The following RUBCN variants were observed in gnomAD, a reference collection of about 807,000 sequenced individuals.
RUBCN encodes run domain Beclin-1-interacting and cysteine-rich domain-containing protein.
A neutral mutation model predicts 113.2 loss-of-function variants in RUBCN; 74 were observed. The ratio of observed to expected loss-of-function variants is 0.65; its 90% CI spans 0.54 to 0.79. The LOEUF (loss-of-function observed/expected upper bound fraction) is 0.79. RUBCN is among the 30% of genes least tolerant of loss of function. RUBCN has a pLI of 0.00. For missense variants in RUBCN, 1,109 were observed against 1,251.7 expected (o/e 0.89, Z 1.72); for synonymous variants, 480 against 490.0 (o/e 0.98, Z 0.27).
Position 197,674,870 on chromosome 3 carries a change from G to C in RUBCN, c.*148C>G, listed in dbSNP as rs1054521030. 28 of 641,536 alleles carry C rather than the reference G, an allele frequency of 4.4e-5. No individual in the cohort carries two copies. Among genetic ancestry groups the C allele is most frequent in the Non-Finnish European group, 6.4e-5 (27 of 420,344 alleles). 39.7% of individuals were successfully genotyped at this position (641,536 alleles called of 1,614,324 possible). ...GACGGCTGACTGCACACAGACGTCA[G>C]ACAAGTCAGTAAAAAAAAAAAAAAA... is the stretch of plus-strand genomic sequence containing the variant. On this transcript the variant is annotated 3_prime_UTR_variant, in exon 20 of 20. Transcript: ENST00000296343.
upstream of RUBCN, among the ~76,000 whole-genome samples, chr3:197,740,667 C>G (rs1728490461): frequency 6.6e-6 from 1 of 151,542 alleles, no homozygotes; most frequent in Non-Finnish European, 1.5e-5. Flanking sequence ...GTTGCCCAGG[C>G]TGGAGTGCAG....
chr3:197,749,157 A>G (rs1303084760), intron 1 of RUBCN: 6 of 481,286 alleles, frequency 1.2e-5, no homozygotes, highest in Non-Finnish European at 1.6e-5. Flanking sequence ...GAATTCATCA[A>G]ATATTAAACT....
At chr3:197,700,026 C>A (rs1723461839) in intron 7 of RUBCN, among the ~76,000 whole-genome samples, 1 of 152,160 alleles carries the variant, frequency 6.6e-6, no homozygotes, top group South Asian at 2.1e-4. Flanking sequence ...CACGAGTAGG[C>A]TGCCCCTGCT....
At chr3:197,720,956 C>CTTTT (rs1726091363) in intron 1 of RUBCN, among the ~76,000 whole-genome samples, 2 of 152,100 alleles carry the variant, frequency 1.3e-5, no homozygotes, top group Non-Finnish European at 2.9e-5. Context: ...TTCTCCCCAT[C>CTTTT]CTCACCGACA....
chr3:197,700,522 T>C (rs1723523398), intron 7 of RUBCN, 91 bp downstream of exon 7: 1 of 1,284,454 alleles, frequency 7.8e-7, no homozygotes, highest in South Asian at 1.2e-5. Flanking sequence ...AGAACATCTC[T>C]TTCTGCCACC....
chr3:197,717,917 C>G, intron 2 of RUBCN, 60 bp downstream of exon 2: 2 of 1,599,564 alleles, frequency 1.3e-6, no homozygotes, highest in Non-Finnish European at 1.7e-6. Context: ...CCTGCCAATG[C>G]GACTGTTTCT....
chr3:197,685,826 A>G (rs1202313198), intron 11 of RUBCN, among the ~76,000 whole-genome samples: 2 of 152,194 alleles, frequency 1.3e-5, no homozygotes, highest in Admixed American at 6.5e-5. Context: ...GCTGGTAGAG[A>G]AAAGAAAAAC....
chr3:197,697,863 G>A (rs1723186472), intron 7 of RUBCN, among the ~76,000 whole-genome samples: 1 of 152,186 alleles, frequency 6.6e-6, no homozygotes, highest in Admixed American at 6.5e-5. Flanking sequence ...TTCCCTGACA[G>A]ATGTTACCAA....
At position 197,671,462 on chromosome 3, in the gene RUBCN, C is replaced by T. The variant is rs1421731997; in HGVS notation, c.*3556G>A. 6.6e-6 allele frequency: 1 copy of T among 152,184 alleles called. No individual in the cohort carries two copies. Among genetic ancestry groups the T allele is most frequent in the Non-Finnish European group, 1.5e-5 (1 of 68,036 alleles). 9.4% of individuals were successfully genotyped at this position (152,184 alleles called of 1,614,324 possible). A position where few individuals can be genotyped will look rare whatever the true frequency, so the allele number is the denominator to read the frequency against. ...GGAAAACATCCACAGAACTTGATGA[C>T]AGGGAGTAGGAATGAGACGATGCGT... is the stretch of plus-strand genomic sequence containing the variant. On this transcript the variant is annotated 3_prime_UTR_variant, in exon 20 of 20. Coordinates refer to ENST00000296343, the MANE Select transcript of RUBCN (RefSeq NM_014687.4).
intron 11 of RUBCN, among the ~76,000 whole-genome samples, chr3:197,690,177 C>A (rs971448072): frequency 6.6e-6 from 1 of 152,204 alleles, no homozygotes; most frequent in African/African-American, 2.4e-5. Context: ...TGGTGGCTCA[C>A]TCCTGTAATT....
chr3:197,693,862 T>A (rs1722703942), intron 10 of RUBCN, 46 bp from the exon 11 acceptor site: 2 of 1,282,258 alleles, frequency 1.6e-6, no homozygotes, highest in Non-Finnish European at 2.3e-6. Context: ...CAGAAAGAGG[T>A]CTTCTTGTCC....
At chr3:197,694,228 C>T (rs570040953) in intron 10 of RUBCN, 147 bp downstream of exon 10, 2 of 815,094 alleles carry the variant, frequency 2.5e-6, no homozygotes, top group South Asian at 2.7e-5. Flanking sequence ...AACGGAGCGA[C>T]TCTAGGATGA....
Position 197,674,807 on chromosome 3 carries a change from T to C in RUBCN, c.*211A>G, listed in dbSNP as rs1460451071. On this transcript the variant is annotated 3_prime_UTR_variant, in exon 20 of 20. Transcript: ENST00000296343. ...GATGGAAACACCTGGTGTTTACAAA[T>C]TATCTGTCACCACAGACTCTGGACC... 1 of 539,392 alleles carries C rather than the reference T, an allele frequency of 1.9e-6. No individual in the cohort carries two copies. The highest frequency in any genetic ancestry group is 2.0e-5 in the African/African-American group (1 of 50,604). The allele number at this position is 539,392 out of a possible 1,614,324, so 33.4% of individuals were successfully genotyped here. A position where few individuals can be genotyped will look rare whatever the true frequency, so the allele number is the denominator to read the frequency against.
At chr3:197,744,390 A>G (rs1405686851) in intron 1 of RUBCN, among the ~76,000 whole-genome samples, 3 of 152,228 alleles carry the variant, frequency 2.0e-5, no homozygotes, top group Non-Finnish European at 4.4e-5. Context: ...TCGCCATATT[A>G]ATACATTTTG....
At chr3:197,690,714 G>C (rs1722330139) in intron 11 of RUBCN, among the ~76,000 whole-genome samples, 1 of 152,196 alleles carries the variant, frequency 6.6e-6, no homozygotes, top group Non-Finnish European at 1.5e-5. Flanking sequence ...CTGAATGTGT[G>C]GCAGGAGCTT....
chr3:197,744,290 G>T (rs150721236), intron 1 of RUBCN, among the ~76,000 whole-genome samples: 4 of 152,182 alleles, frequency 2.6e-5, no homozygotes, highest in African/African-American at 4.8e-5. Flanking sequence ...AATATACCAT[G>T]ACCAAGTAGG....
chr3:197,715,753 C>G (rs9985405), intron 2 of RUBCN, among the ~76,000 whole-genome samples: 7 of 152,226 alleles, frequency 4.6e-5, no homozygotes, highest in African/African-American at 1.7e-4. Context: ...CGTGTCGTAG[C>G]TAACATGAGT....
chr3:197,703,658 G>A lies in RUBCN; in HGVS notation c.464-4C>T, dbSNP rs775547498. On this transcript the variant is annotated splice_polypyrimidine_tract_variant and splice_region_variant and intron_variant, in intron 4 of 19. Transcript: ENST00000296343. The stretch of plus-strand genomic sequence containing the variant: ...TCACTTAGCAGGAAGGCAGCATCTG[G>A]GGAGAGAAAAGCTGCCACAGTGATA... 2.4e-5 allele frequency: 38 copies of A among 1,604,742 alleles called. No individual in the cohort carries two copies. In the East Asian group the frequency reaches 8.0e-4, roughly 34 times the overall value.
At chr3:197,743,529 AG>A (rs1728611894) in intron 1 of RUBCN, among the ~76,000 whole-genome samples, 1 of 152,366 alleles carries the variant, frequency 6.6e-6, no homozygotes, top group African/African-American at 2.4e-5. Context: ...AGGGCAACAC[AG>A]AAGAGGGACA....
Sources: allele counts gnomAD v4.1 joint callset (sites outside exome capture counted in the v4.1 genomes callset), GRCh38; gene constraint gnomAD v4.1.1; transcripts MANE v1.5; gene names NCBI Gene and HGNC (gene_info 2026-07-23, HGNC 2026-07-21).